The following MCC variants were observed in gnomAD, a reference collection of about 807,000 sequenced individuals.
MCC encodes the protein colorectal mutant cancer protein.
In MCC, 90 loss-of-function variants were observed where a neutral mutation model predicts 116.2. The observed-to-expected ratio is 0.77, with a 90% CI of 0.65 to 0.92. The LOEUF (loss-of-function observed/expected upper bound fraction) is 0.92, where lower values mean the gene tolerates loss of function less well. Among genes scored for constraint, MCC ranks in the 40% least tolerant of loss-of-function variants. The pLI, the probability that MCC is intolerant of heterozygous loss-of-function variation, is 0.00. For missense variants in MCC, 1,516 were observed against 1,312.2 expected (o/e 1.16, Z -2.40); for synonymous variants, 578 against 510.5 (o/e 1.13, Z -1.78).
At chr5:113,090,246 G>A (rs1755508282) in intron 8 of MCC, among the ~76,000 whole-genome samples, 1 of 151,956 alleles carries the variant, frequency 6.6e-6, no homozygotes, top group Non-Finnish European at 1.5e-5. Context: ...TTTGCAGACT[G>A]TCAGGGGAAG....
Position 113,024,880 on chromosome 5 carries a change from ACAT to A in MCC, c.*2419_*2421del, listed in dbSNP as rs1750422918. On this transcript the variant is annotated 3_prime_UTR_variant, in exon 19 of 19. Coordinates refer to ENST00000408903, the MANE Select transcript of MCC (RefSeq NM_001085377.2). ...AAAACTTTTATAGCTTTTTTATTATACATATTTATAAAAAATTAACACTTTTGC... is the reference window on the plus strand; with the variant it reads ...AAAACTTTTATAGCTTTTTTATTATAATTTATAAAAAATTAACACTTTTGC... The A allele has an allele frequency of 6.6e-6, 1 of 152,208 alleles. No homozygotes were observed. The highest frequency in any genetic ancestry group is 1.5e-5 in the Non-Finnish European group (1 of 68,042). The allele number at this position is 152,208 out of a possible 1,614,324, so 9.4% of individuals were successfully genotyped here.
chr5:113,161,718 A>G (rs1760497727), intron 3 of MCC, among the ~76,000 whole-genome samples: 1 of 152,168 alleles, frequency 6.6e-6, no homozygotes, highest in African/African-American at 2.4e-5. Flanking sequence ...ACATATACAC[A>G]TACAGAGTAT....
At chr5:113,042,797 T>C (rs946841307) in intron 17 of MCC, among the ~76,000 whole-genome samples, 1 of 151,464 alleles carries the variant, frequency 6.6e-6, no homozygotes, top group Non-Finnish European at 1.5e-5. Flanking sequence ...ATTTCATTAA[T>C]AGTTTGAGAA....
intron 3 of MCC, 93 bp downstream of exon 3, chr5:113,340,426 A>G: frequency 9.6e-7 from 1 of 1,038,956 alleles, no homozygotes; most frequent in Non-Finnish European, 1.5e-6. Context: ...AGAAGACAAT[A>G]CCCGATATGT....
At chr5:113,166,742 A>C (rs1760796115) in intron 3 of MCC, among the ~76,000 whole-genome samples, 2 of 152,064 alleles carry the variant, frequency 1.3e-5, no homozygotes, top group South Asian at 2.1e-4. Flanking sequence ...AACCAAAAAA[A>C]CAAAGCTTAG....
At chr5:113,459,181 A>ATGTGTGT (rs1554085327) in intron 1 of MCC, among the ~76,000 whole-genome samples, 13 of 48,358 alleles carry the variant, frequency 2.7e-4, no homozygotes, top group East Asian at 5.0e-4. Context: ...GTGTGTGTGA[A>ATGTGTGT]GTGGGTGGGG....
chr5:113,059,345 C>G (rs868335362), intron 14 of MCC, among the ~76,000 whole-genome samples: 2 of 152,278 alleles, frequency 1.3e-5, no homozygotes, highest in Middle Eastern at 3.4e-3. Context: ...GAGCTCTTAA[C>G]GTTTCACTGC....
At chr5:113,286,557 T>C (rs1766270689) in intron 3 of MCC, among the ~76,000 whole-genome samples, 1 of 152,196 alleles carries the variant, frequency 6.6e-6, no homozygotes, top group Non-Finnish European at 1.5e-5. Flanking sequence ...CAGGCACTGA[T>C]CAAATCTCAT....
chr5:113,149,694 C>G (rs969278888), intron 4 of MCC, among the ~76,000 whole-genome samples: 12 of 151,908 alleles, frequency 7.9e-5, no homozygotes, highest in African/African-American at 2.9e-4. Context: ...TTAATACCAG[C>G]CTGGTATTAA....
chr5:113,184,619 C>T (rs993014976), intron 3 of MCC, among the ~76,000 whole-genome samples: 3 of 151,768 alleles, frequency 2.0e-5, no homozygotes, highest in South Asian at 2.1e-4. Context: ...TGCACAACCA[C>T]GCCCAGCTTA....
chr5:113,218,974 T>A (rs1487878654), intron 3 of MCC, among the ~76,000 whole-genome samples: 2 of 152,218 alleles, frequency 1.3e-5, no homozygotes, highest in Non-Finnish European at 2.9e-5. Flanking sequence ...TGTTTTGGTT[T>A]TGAATGGGAG....
chr5:113,282,283 G>A lies in MCC; in HGVS notation c.627+58236C>T, dbSNP rs554107997. ...CCCCAATATGTCATCACTGCTAGCT[G>A]GGGATGTTTTAATGCCAAATAAAGA... On this transcript the variant is annotated intron_variant, in intron 3 of 18. Transcript: ENST00000408903. 3.3e-5 allele frequency among the ~76,000 whole-genome samples: 5 copies of A among 152,290 alleles called. No individual in the cohort carries two copies. In the South Asian group the frequency reaches 6.2e-4, roughly 19 times the overall value.
intron 1 of MCC, among the ~76,000 whole-genome samples, chr5:113,401,469 T>G (rs996076203): frequency 3.3e-5 from 5 of 152,216 alleles, no homozygotes; most frequent in African/African-American, 1.2e-4. Context: ...TAAATTGAAG[T>G]GGCCCATCCA....
intron 2 of MCC, among the ~76,000 whole-genome samples, chr5:113,342,728 A>C (rs1179095746): frequency 6.6e-6 from 1 of 152,238 alleles, no homozygotes; most frequent in Non-Finnish European, 1.5e-5. Flanking sequence ...TTGTGGGTGC[A>C]TCTGGTTGGT....
At chr5:113,474,065 T>C (rs532740550) in intron 1 of MCC, among the ~76,000 whole-genome samples, 1 of 152,360 alleles carries the variant, frequency 6.6e-6, no homozygotes, top group South Asian at 2.1e-4. Context: ...GCACCTAATA[T>C]GTATTTTCAA....
At chr5:113,272,914 A>C (rs1765670041) in intron 3 of MCC, among the ~76,000 whole-genome samples, 1 of 152,250 alleles carries the variant, frequency 6.6e-6, no homozygotes, top group Admixed American at 6.5e-5. Context: ...TAGGCAGCAC[A>C]GAATCACAAA....
rs533085100 is a variant in MCC at position 113,143,466 on chromosome 5, A to G, written c.742-106T>C. On this transcript the variant is annotated intron_variant, in intron 4 of 18. Transcript: ENST00000408903. ...ACCATTACAACTGCCAACACTGAGT[A>G]TGCCCCAAATAAAATGTATGTCAGC... 4.3e-5 allele frequency: 51 copies of G among 1,174,454 alleles called. 2 individuals are homozygous for G. The South Asian group carries it at 5.1e-4, about 12-fold the overall frequency. The allele number at this position is 1,174,454 out of a possible 1,614,324, so 72.8% of individuals were successfully genotyped here.
intron 9 of MCC, among the ~76,000 whole-genome samples, 199 bp from the exon 10 acceptor site, chr5:113,084,389 G>C (rs111865521): frequency 0.014 from 2,169 of 152,288 alleles, 60 homozygotes; most frequent in African/African-American, 0.05. Flanking sequence ...ATTTTGGCTT[G>C]GATAATTCTT....
intron 1 of MCC, among the ~76,000 whole-genome samples, chr5:113,391,544 G>T (rs911629222): frequency 6.6e-6 from 1 of 152,044 alleles, no homozygotes; most frequent in East Asian, 1.9e-4. Context: ...GTGAGACATT[G>T]ATCTTCACAC....
Sources: allele counts gnomAD v4.1 joint callset (sites outside exome capture counted in the v4.1 genomes callset), GRCh38; gene constraint gnomAD v4.1.1; transcripts MANE v1.5; gene names NCBI Gene and HGNC (gene_info 2026-07-23, HGNC 2026-07-21).